Variants in NUP133 observed in about 807,000 individuals in gnomAD.
NUP133 encodes the protein nucleoporin 133, also known as nuclear pore complex protein Nup133.
Under a neutral mutation model 146.2 loss-of-function variants are expected in NUP133, and 66 were observed. That is an observed-to-expected ratio of 0.45 (90% confidence interval 0.37 to 0.55). The LOEUF (loss-of-function observed/expected upper bound fraction) is 0.55, where lower values mean the gene tolerates loss of function less well. Among genes scored for constraint, NUP133 ranks in the 20% least tolerant of loss-of-function variants. The pLI is 0.00. For synonymous variants in NUP133, 521 were observed against 498.8 expected, an observed-to-expected ratio of 1.04 and a Z score of -0.59; for missense variants, 1,277 against 1,374.8, an observed-to-expected ratio of 0.93 and a Z score of 1.12.
At chr1:229,461,328 G>C (rs1245235346) in intron 19 of NUP133, among the ~76,000 whole-genome samples, 1 of 152,218 alleles carries the variant, frequency 6.6e-6, no homozygotes, top group African/African-American at 2.4e-5. Flanking sequence ...GAGTGTTGGG[G>C]TGGTGTGGAG....
chr1:229,492,537 G>C (rs1661553528), intron 8 of NUP133, among the ~76,000 whole-genome samples: 3 of 152,046 alleles, frequency 2.0e-5, no homozygotes, highest in Admixed American at 2.0e-4. Context: ...AGGAATCCTA[G>C]CACGGCTCAT....
intron 10 of NUP133, 52 bp from the exon 11 acceptor site, chr1:229,486,580 C>T (rs1046706829): frequency 2.6e-6 from 4 of 1,536,564 alleles, no homozygotes; most frequent in Admixed American, 4.3e-5. Context: ...CAACAAAATG[C>T]TATGTAAAAG....
At chr1:229,475,935 C>T (rs987244843) in intron 13 of NUP133, among the ~76,000 whole-genome samples, 1 of 152,012 alleles carries the variant, frequency 6.6e-6, no homozygotes, top group Non-Finnish European at 1.5e-5. Flanking sequence ...TGGTGAAACC[C>T]GATCTCTACT....
intron 12 of NUP133, among the ~76,000 whole-genome samples, chr1:229,483,569 G>C (rs1661271103): frequency 6.6e-6 from 1 of 152,044 alleles, no homozygotes; most frequent in African/African-American, 2.4e-5. Context: ...GCTAGGTGTA[G>C]TGGTACACGC....
intron 25 of NUP133, among the ~76,000 whole-genome samples, chr1:229,442,597 A>AT (rs1660208106): frequency 6.6e-6 from 1 of 152,050 alleles, no homozygotes; most frequent in Non-Finnish European, 1.5e-5. Context: ...CTGGATGAAA[A>AT]TTTTCAAATT....
intron 8 of NUP133, among the ~76,000 whole-genome samples, chr1:229,494,821 T>G (rs534539241): frequency 4.4e-4 from 67 of 151,990 alleles, no homozygotes; most frequent in Non-Finnish European, 7.6e-4. Flanking sequence ...GGGTGGGAAA[T>G]ATGTGCCTGA....
chr1:229,490,510 C>A (rs1400267906), intron 8 of NUP133, among the ~76,000 whole-genome samples: 2 of 151,738 alleles, frequency 1.3e-5, no homozygotes, highest in African/African-American at 4.8e-5. Context: ...TGACATTAAG[C>A]AAAAGGCAAA....
intron 24 of NUP133, among the ~76,000 whole-genome samples, chr1:229,446,674 C>T (rs1438086995): frequency 6.6e-6 from 1 of 151,758 alleles, no homozygotes; most frequent in African/African-American, 2.4e-5. Flanking sequence ...GTGGAGCTTG[C>T]AGTGAGCCAA....
At chr1:229,477,475 A>T (rs986297388) in intron 13 of NUP133, 122 bp downstream of exon 13, 164 of 734,762 alleles carry the variant, frequency 2.2e-4, no homozygotes, top group Non-Finnish European at 2.9e-4. Flanking sequence ...ACAATATTTT[A>T]AAAAATATTG....
intron 8 of NUP133, among the ~76,000 whole-genome samples, chr1:229,491,299 T>C (rs916627176): frequency 1.3e-5 from 2 of 152,222 alleles, no homozygotes; most frequent in Admixed American, 6.5e-5. Context: ...ATCCCTGATG[T>C]ACTCAGTTAT....
rs572098961 is a variant in NUP133 at position 229,460,595 on chromosome 1, G to GA, written c.2844+15dup. 6.2e-7 allele frequency: 1 copy of GA among 1,609,200 alleles called. No homozygotes were observed. On this transcript the variant is annotated intron_variant, in intron 20 of 25. Transcript: ENST00000261396. Reference sequence around the variant, plus strand: ...ATAAATTGCACACATCTGCTCCATAGAAAAATCCTTCTTACCTTTTCTAAT... The same window carrying GA: ...ATAAATTGCACACATCTGCTCCATAGAAAAAATCCTTCTTACCTTTTCTAAT...
At chr1:229,496,832 T>C (rs1265519999) in intron 6 of NUP133, among the ~76,000 whole-genome samples, 1 of 151,956 alleles carries the variant, frequency 6.6e-6, no homozygotes, top group East Asian at 1.9e-4. Context: ...TAAAAATAAA[T>C]AAAAATAAAA....
chr1:229,470,414 T>C (rs1417132237), intron 15 of NUP133, among the ~76,000 whole-genome samples, 166 bp downstream of exon 15: 4 of 152,208 alleles, frequency 2.6e-5, no homozygotes, highest in African/African-American at 9.6e-5. Flanking sequence ...AGGTAACTGA[T>C]CAATGAGACT....
At chr1:229,498,085 A>C (rs746676808) in intron 6 of NUP133, 51 bp downstream of exon 6, 3 of 1,339,134 alleles carry the variant, frequency 2.2e-6, no homozygotes, top group Non-Finnish European at 2.0e-6. Flanking sequence ...CTTTCAACTT[A>C]TTGATTTAAC....
At chr1:229,456,457 C>A (rs191807702) in intron 21 of NUP133, among the ~76,000 whole-genome samples, 19 of 152,208 alleles carry the variant, frequency 1.2e-4, no homozygotes, top group Non-Finnish European at 2.5e-4. Flanking sequence ...GTGGAATATA[C>A]CCTTTACTAC....
chr1:229,466,853 A>C, intron 15 of NUP133, 97 bp from the exon 16 acceptor site: 1 of 1,048,384 alleles, frequency 9.5e-7, no homozygotes, highest in Non-Finnish European at 1.3e-6. Context: ...ATATCCTCAG[A>C]CCTATAGATG....
intron 6 of NUP133, among the ~76,000 whole-genome samples, 167 bp downstream of exon 6, chr1:229,497,965 GGTTA>G (rs1051277561): frequency 3.9e-5 from 6 of 152,168 alleles, no homozygotes; most frequent in Admixed American, 2.6e-4. Context: ...TATGGGAGAA[GGTTA>G]GTATGATCTC....
intron 14 of NUP133, among the ~76,000 whole-genome samples, chr1:229,472,516 GTACAAAAAA>G (rs374040748): frequency 8.6e-4 from 129 of 150,384 alleles, no homozygotes; most frequent in African/African-American, 2.9e-3. Flanking sequence ...TGGGTAATGT[GTACAAAAAA>G]TACAAAAAGT....
intron 20 of NUP133, 112 bp from the exon 21 acceptor site, chr1:229,458,408 G>GA: frequency 9.9e-7 from 1 of 1,011,314 alleles, no homozygotes; most frequent in Middle Eastern, 2.2e-4. Context: ...CAATGAATGA[G>GA]AAGTCAACAG....
Sources: gnomAD v4.1 joint callset for allele counts (sites outside exome capture counted in the v4.1 genomes callset) on GRCh38, gnomAD v4.1.1 for gene constraint, MANE v1.5 for transcripts, NCBI Gene and HGNC (gene_info 2026-07-23, HGNC 2026-07-21) for gene names.